SHISAL2B: variants seen among roughly 807,000 people sequenced by gnomAD.
The protein encoded by SHISAL2B is shisa like 2B, also known as protein shisa-like-2B.
In SHISAL2B, 12 loss-of-function variants were observed where a neutral mutation model predicts 16.5. The ratio of observed to expected loss-of-function variants is 0.73; its 90% CI spans 0.47 to 1.18. SHISAL2B has a LOEUF of 1.18. Among genes scored for constraint, SHISAL2B ranks in the 50% most tolerant of loss-of-function variants. SHISAL2B has a pLI of 0.00. For synonymous variants in SHISAL2B, 72 were observed against 75.0 expected (o/e 0.96, Z 0.21); for missense variants, 183 against 193.6 (o/e 0.95, Z 0.33).
At chr5:64,714,337 C>T (rs1251917927) in intron 2 of SHISAL2B, among the ~76,000 whole-genome samples, 1 of 142,012 alleles carries the variant, frequency 7.0e-6, no homozygotes, top group Non-Finnish European at 1.5e-5. Flanking sequence ...GGGGTGCCTC[C>T]CAGTTAGGTT....
chr5:64,704,389 T>C (rs373947314), intron 2 of SHISAL2B, among the ~76,000 whole-genome samples: 11 of 152,272 alleles, frequency 7.2e-5, no homozygotes, highest in Non-Finnish European at 1.5e-4. Flanking sequence ...AAGATTTCAT[T>C]CGATGAATTG....
chr5:64,693,497 C>T (rs1347322587), intron 1 of SHISAL2B, among the ~76,000 whole-genome samples: 1 of 152,182 alleles, frequency 6.6e-6, no homozygotes, highest in African/African-American at 2.4e-5. Context: ...ATTAAACTAA[C>T]AATTTTGCTT....
In SHISAL2B at chr5:64,693,197, C is replaced by T. The variant is rs189585393; in HGVS notation, c.192-2310C>T. On this transcript the variant is annotated intron_variant, in intron 1 of 2. Transcript: ENST00000389074. ...TAATTTTTTGTATTTTTAGTAGAGACGGGGTTTCACCATGTTAGCCAGGAT... is the reference window on the plus strand; with the variant it reads ...TAATTTTTTGTATTTTTAGTAGAGATGGGGTTTCACCATGTTAGCCAGGAT... Among the ~76,000 whole-genome samples, 8 of 151,892 alleles carry T rather than the reference C, an allele frequency of 5.3e-5. 1 individual carries two copies. Among genetic ancestry groups the T allele is most frequent in the African/African-American group, 1.9e-4 (8 of 41,436 alleles).
intron 2 of SHISAL2B, among the ~76,000 whole-genome samples, chr5:64,712,518 G>C (rs1184790939): frequency 9.9e-5 from 15 of 150,874 alleles, no homozygotes; most frequent in African/African-American, 3.4e-4. Context: ...ATATTCTGTT[G>C]ATTTGGGGTG....
intron 2 of SHISAL2B, among the ~76,000 whole-genome samples, chr5:64,709,787 A>G (rs1741932177): frequency 6.6e-6 from 1 of 152,078 alleles, no homozygotes; most frequent in Admixed American, 6.5e-5. Context: ...TCTGATGGCC[A>G]GTGATGATGA....
intron 2 of SHISAL2B, among the ~76,000 whole-genome samples, chr5:64,709,765 G>A (rs1335535408): frequency 6.6e-6 from 1 of 151,790 alleles, no homozygotes; most frequent in African/African-American, 2.4e-5. Flanking sequence ...TAGTGGTTTT[G>A]ATTTGCATTT....
intron 2 of SHISAL2B, among the ~76,000 whole-genome samples, chr5:64,698,102 T>C (rs1473982609): frequency 1.3e-5 from 2 of 152,246 alleles, no homozygotes; most frequent in Admixed American, 6.5e-5. Flanking sequence ...AATAATCAGA[T>C]TGTAAAATCA....
In SHISAL2B at chr5:64,710,512, C is replaced by T. The variant is rs1272278630; in HGVS notation, c.350-7377C>T. 3.9e-4 allele frequency among the ~76,000 whole-genome samples: 25 copies of T among 64,398 alleles called. 2 individuals carry two copies. In the East Asian group the frequency reaches 6.4e-3, roughly 16 times the overall value. The allele number at this position is 64,398 out of a possible 152,430, so 42.2% of individuals were successfully genotyped here. On this transcript the variant is annotated intron_variant, in intron 2 of 2. Transcript: ENST00000389074. ...TTCTTTTGGCTTAGGATTGACTTGG[C>T]GATGCGGGCTCTTTTTTGGTTCCAT... is the stretch of plus-strand genomic sequence containing the variant.
chr5:64,690,802 T>C lies in SHISAL2B; in HGVS notation c.179T>C (p.Met60Thr). ...GSYFPYKHSY[M>T]WSLSIGALIG... ...TACTTCCCCTACAAGCACAGCTACA[T>C]GTGGAGCCTCAGGTGGGCTGAGAGC... Residue 60 changes from methionine to threonine, a missense_variant, in exon 1 of 3, where the codon ATG becomes ACG. Transcript: ENST00000389074. 6 of 1,534,722 alleles carry C rather than the reference T, an allele frequency of 3.9e-6. No homozygotes were observed. Among genetic ancestry groups the C allele is most frequent in the Non-Finnish European group, 5.2e-6 (6 of 1,146,610 alleles).
At chr5:64,696,026 C>G (rs1741728743) in intron 2 of SHISAL2B, among the ~76,000 whole-genome samples, 1 of 152,140 alleles carries the variant, frequency 6.6e-6, no homozygotes, top group South Asian at 2.1e-4. Context: ...GTCAGGGACC[C>G]TGAACAGAGG....
intron 2 of SHISAL2B, among the ~76,000 whole-genome samples, chr5:64,702,414 G>C (rs1741822188): frequency 6.6e-6 from 1 of 152,016 alleles, no homozygotes; most frequent in Non-Finnish European, 1.5e-5. Flanking sequence ...TGGTCAGGCT[G>C]GTCTCGAACT....
At chr5:64,706,987 TAAAAATTGAA>T in intron 2 of SHISAL2B, among the ~76,000 whole-genome samples, 1 of 152,234 alleles carries the variant, frequency 6.6e-6, no homozygotes, top group South Asian at 2.1e-4. Context: ...TAGAAAATAA[TAAAAATTGAA>T]AAACATTAGG....
At chr5:64,691,098 C>T in intron 1 of SHISAL2B, 1 of 352,844 alleles carries the variant, frequency 2.8e-6, no homozygotes, top group Non-Finnish European at 5.1e-6. Flanking sequence ...TGGCTGGCCC[C>T]GCTGAGTTCC....
chr5:64,697,056 G>T (rs1303529424), intron 2 of SHISAL2B, among the ~76,000 whole-genome samples: 1 of 152,168 alleles, frequency 6.6e-6, no homozygotes, highest in East Asian at 1.9e-4. Context: ...ACCCCTGGAG[G>T]CCCAGCTGTA....
intron 2 of SHISAL2B, among the ~76,000 whole-genome samples, chr5:64,696,491 A>G (rs1741737750): frequency 6.6e-6 from 1 of 152,204 alleles, no homozygotes; most frequent in Non-Finnish European, 1.5e-5. Context: ...CAGAGAGCCT[A>G]TAAATGGACC....
At chr5:64,714,566 A>G (rs1347756448) in intron 2 of SHISAL2B, among the ~76,000 whole-genome samples, 3 of 151,970 alleles carry the variant, frequency 2.0e-5, no homozygotes, top group Non-Finnish European at 4.4e-5. Context: ...GGTGGGCTCC[A>G]CCCAGTTCGA....
intron 2 of SHISAL2B, among the ~76,000 whole-genome samples, chr5:64,715,637 TTA>T (rs1160828105): frequency 6.6e-6 from 1 of 152,178 alleles, no homozygotes; most frequent in Admixed American, 6.5e-5. Context: ...CTAACCAAGT[TTA>T]TGTGTGATCC....
rs1187010618 is a variant in SHISAL2B, at chr5:64,705,338, C to T, written c.349+9674C>T. Among the ~76,000 whole-genome samples the T allele has an allele frequency of 2.6e-5, 4 of 152,190 alleles. No homozygotes were observed. In the East Asian group the frequency reaches 7.7e-4, roughly 29 times the overall value. ...CCGGAATGACTAAGTTAGGAAACAA[C>T]TTCCTTAGTTTATTTCCCATTAAAA... On this transcript the variant is annotated intron_variant, in intron 2 of 2. Transcript: ENST00000389074.
intron 2 of SHISAL2B, among the ~76,000 whole-genome samples, chr5:64,697,272 T>G (rs1181588973): frequency 6.6e-6 from 1 of 152,236 alleles, no homozygotes; most frequent in Non-Finnish European, 1.5e-5. Context: ...AATTTATCTG[T>G]GTGTCTACTG....
Sources: gnomAD v4.1 joint callset for allele counts (sites outside exome capture counted in the v4.1 genomes callset) on GRCh38, gnomAD v4.1.1 for gene constraint, MANE v1.5 for transcripts, NCBI Gene and HGNC (gene_info 2026-07-23, HGNC 2026-07-21) for gene names.